Variants in WDHD1 observed in about 807,000 individuals in gnomAD.
The protein encoded by WDHD1 is WD repeat and HMG-box DNA-binding protein 1.
A neutral mutation model predicts 135.4 loss-of-function variants in WDHD1; 111 were observed. The ratio of observed to expected loss-of-function variants is 0.82; its 90% CI spans 0.70 to 0.96. WDHD1 has a LOEUF of 0.96. WDHD1 is among the 40% of genes least tolerant of loss of function. The pLI, the probability that WDHD1 is intolerant of heterozygous loss-of-function variation, is 0.00. For missense variants in WDHD1, 1,351 were observed against 1,336.3 expected, an observed-to-expected ratio of 1.01 and a Z score of -0.17; for synonymous variants, 434 against 439.0, an observed-to-expected ratio of 0.99 and a Z score of 0.14.
At chr14:54,955,379 T>TA (rs1301450382) in intron 24 of WDHD1, among the ~76,000 whole-genome samples, 182 bp downstream of exon 24, 3 of 152,188 alleles carry the variant, frequency 2.0e-5, no homozygotes, top group East Asian at 3.8e-4. Flanking sequence ...CATATTTTAA[T>TA]AAATATTATA....
Position 54,960,433 on chromosome 14 carries a change from G to A in WDHD1, c.2701+2065C>T, listed in dbSNP as rs185455787. ...TCCACCCTCCTCAGCCTCCCAAAGT[G>A]CTGGGATTACAGGTGTGAGCCACCA... On this transcript the variant is annotated intron_variant, in intron 21 of 25. Transcript: ENST00000360586. Among the ~76,000 whole-genome samples, 44 of 152,168 alleles carry A rather than the reference G, an allele frequency of 2.9e-4. No individual in the cohort carries two copies. The East Asian group carries it at 5.8e-3, about 20-fold the overall frequency.
At chr14:55,015,865 A>ATTG (rs2042254013) in intron 2 of WDHD1, among the ~76,000 whole-genome samples, 1 of 152,000 alleles carries the variant, frequency 6.6e-6, no homozygotes, top group Non-Finnish European at 1.5e-5. Context: ...CACCCAGCTA[A>ATTG]TCTTTGTGTT....
intron 3 of WDHD1, among the ~76,000 whole-genome samples, chr14:55,012,880 G>A (rs1229961780): frequency 6.6e-6 from 1 of 151,906 alleles, no homozygotes; most frequent in African/African-American, 2.4e-5. Flanking sequence ...GTTATGTTGG[G>A]GATTAAGTTT....
intron 3 of WDHD1, among the ~76,000 whole-genome samples, chr14:55,012,886 A>G (rs2042194218): frequency 6.6e-6 from 1 of 152,166 alleles, no homozygotes. Context: ...TTGGGGATTA[A>G]GTTTCCAACA....
intron 18 of WDHD1, among the ~76,000 whole-genome samples, chr14:54,966,171 A>T (rs1366483886): frequency 6.7e-6 from 1 of 148,848 alleles, no homozygotes; most frequent in South Asian, 2.1e-4. Flanking sequence ...TACTAAAAAA[A>T]AAAAAAAAAA....
Position 54,940,265 on chromosome 14 carries a change from C to A in WDHD1, c.*1225G>T, listed in dbSNP as rs1242214991. ...CAACTATTAGTAGTAGGTAGAGAAGCGGGTCTCCGAACCTAGGTAATCTGG... is the reference window on the plus strand; with the variant it reads ...CAACTATTAGTAGTAGGTAGAGAAGAGGGTCTCCGAACCTAGGTAATCTGG... On this transcript the variant is annotated 3_prime_UTR_variant, in exon 26 of 26. Transcript: ENST00000360586. The A allele has an allele frequency of 6.6e-6, 1 of 152,068 alleles. No individual in the cohort carries two copies. Among genetic ancestry groups the A allele is most frequent in the Non-Finnish European group, 1.5e-5 (1 of 68,002 alleles). The allele number at this position is 152,068 out of a possible 1,614,324, so 9.4% of individuals were successfully genotyped here.
intron 7 of WDHD1, among the ~76,000 whole-genome samples, chr14:55,002,423 A>T (rs1279339678): frequency 6.6e-6 from 1 of 152,020 alleles, no homozygotes; most frequent in African/African-American, 2.4e-5. Flanking sequence ...GGCATACACC[A>T]CTGTGCCAGG....
chr14:54,986,237 A>G (rs918234274), intron 14 of WDHD1, among the ~76,000 whole-genome samples: 4 of 152,250 alleles, frequency 2.6e-5, no homozygotes, highest in Non-Finnish European at 5.9e-5. Context: ...ATTTAAACTG[A>G]TATCAAAAGA....
At chr14:54,991,157 G>T in intron 12 of WDHD1, 56 bp downstream of exon 12, 1 of 959,854 alleles carries the variant, frequency 1.0e-6, no homozygotes. Context: ...ATTAACTATA[G>T]TAAGAAAAAA....
rs1425160515 is a variant in WDHD1, at chr14:54,964,728, AAAG to A, written c.2311-1559_2311-1557del. Among the ~76,000 whole-genome samples the A allele has an allele frequency of 3.3e-5, 5 of 152,132 alleles. No individual in the cohort carries two copies. The East Asian group carries it at 7.7e-4, about 23-fold the overall frequency. On this transcript the variant is annotated intron_variant, in intron 18 of 25. Transcript: ENST00000360586. ...CATTTGCCCGGGGGTCAGGAATGCT[AAAG>A]AAGAACTCAACAATCCCCTTGAACT...
intron 2 of WDHD1, among the ~76,000 whole-genome samples, 178 bp downstream of exon 2, chr14:55,026,533 C>A (rs964057007): frequency 9.0e-6 from 1 of 111,682 alleles, no homozygotes; most frequent in Non-Finnish European, 2.2e-5. Context: ...TGTCGATATA[C>A]TACAACTACC....
intron 13 of WDHD1, among the ~76,000 whole-genome samples, chr14:54,988,498 T>C (rs1332070094): frequency 1.3e-5 from 2 of 152,192 alleles, no homozygotes; most frequent in African/African-American, 4.8e-5. Flanking sequence ...TCTGTGTATA[T>C]ACACCTTTGT....
intron 24 of WDHD1, among the ~76,000 whole-genome samples, chr14:54,955,198 G>A (rs1034530619): frequency 6.6e-6 from 1 of 152,118 alleles, no homozygotes; most frequent in Non-Finnish European, 1.5e-5. Context: ...TGCAGTGATT[G>A]TTTTTGGAGA....
At position 54,974,931 on chromosome 14, in the gene WDHD1, C is replaced by T. The variant is rs186463301; in HGVS notation, c.2063+6609G>A. 1.3e-3 allele frequency among the ~76,000 whole-genome samples: 203 copies of T among 152,284 alleles called. 1 individual carries two copies. Among genetic ancestry groups the T allele is most frequent in the African/African-American group, 4.6e-3 (192 of 41,546 alleles). Reference sequence around the variant, plus strand: ...TTTCTTCTGTGTTGGACCGGACTGTCTTCTGCATTTGAGGGGACTTTGCTC... The same window carrying T: ...TTTCTTCTGTGTTGGACCGGACTGTTTTCTGCATTTGAGGGGACTTTGCTC... On this transcript the variant is annotated intron_variant, in intron 16 of 25. Coordinates refer to ENST00000360586, the MANE Select transcript of WDHD1 (RefSeq NM_007086.4).
At chr14:54,969,185 C>T (rs1296333822) in intron 16 of WDHD1, among the ~76,000 whole-genome samples, 1 of 151,964 alleles carries the variant, frequency 6.6e-6, no homozygotes, top group Non-Finnish European at 1.5e-5. Flanking sequence ...ACTACAGGTG[C>T]CCACCACCAC....
intron 16 of WDHD1, among the ~76,000 whole-genome samples, chr14:54,969,345 A>G (rs1170226445): frequency 1.9e-5 from 1 of 52,896 alleles, no homozygotes; most frequent in Non-Finnish European, 3.3e-5. Context: ...CGTTTCAAGA[A>G]AAAAAAAAAA....
At chr14:54,943,570 T>TAA (rs773887393) in intron 25 of WDHD1, among the ~76,000 whole-genome samples, 2 of 152,062 alleles carry the variant, frequency 1.3e-5, no homozygotes, top group Non-Finnish European at 2.9e-5. Context: ...GGCTAATTTT[T>TAA]AAATTTTTGT....
chr14:54,970,743 A>G (rs1030695394), intron 16 of WDHD1, among the ~76,000 whole-genome samples: 1 of 152,176 alleles, frequency 6.6e-6, no homozygotes, highest in East Asian at 1.9e-4. Context: ...AGAAAAAACT[A>G]TTCTAAAATT....
chr14:54,983,766 G>T (rs905184344), intron 15 of WDHD1, among the ~76,000 whole-genome samples: 5 of 151,758 alleles, frequency 3.3e-5, no homozygotes, highest in African/African-American at 1.2e-4. Context: ...TGATCCTCCT[G>T]CCTCGGCCTC....
Sources: allele counts gnomAD v4.1 joint callset (sites outside exome capture counted in the v4.1 genomes callset), GRCh38; gene constraint gnomAD v4.1.1; transcripts MANE v1.5; gene names NCBI Gene and HGNC (gene_info 2026-07-23, HGNC 2026-07-21).